FAM200B: variants seen among roughly 807,000 people sequenced by gnomAD.
The protein encoded by FAM200B is zinc finger BED-type containing 11.
In FAM200B, 32 loss-of-function variants were observed where a neutral mutation model predicts 33.1. The observed-to-expected ratio is 0.97, with a 90% CI of 0.73 to 1.30. The LOEUF (loss-of-function observed/expected upper bound fraction) is 1.30, where lower values mean the gene tolerates loss of function less well. Among genes scored for constraint, FAM200B ranks in the 50% most tolerant of loss-of-function variants. The pLI, the probability that FAM200B is intolerant of heterozygous loss-of-function variation, is 0.00. For missense variants in FAM200B, 741 were observed against 754.0 expected (o/e 0.98, Z 0.20); for synonymous variants, 240 against 264.8 (o/e 0.91, Z 0.91).
rs1719101840 is a variant in FAM200B, at chr4:15,688,505, T to C, written c.1528T>C (p.Leu510=). 1 of 1,542,568 alleles carries C rather than the reference T, an allele frequency of 6.5e-7. No homozygotes were observed. The highest frequency in any genetic ancestry group is 1.2e-5 in the South Asian group (1 of 83,412). ...ILKEIKLEIL[L]HLTSLSQTFN... ...GAAAGAAATAAAATTAGAGATATTGTTGCATCTCACTTCTCTGTCTCAAAC... is the reference window on the plus strand; with the variant it reads ...GAAAGAAATAAAATTAGAGATATTGCTGCATCTCACTTCTCTGTCTCAAAC... Residue 510 remains leucine, a synonymous_variant, in exon 2 of 2, where the codon TTG becomes CTG. Coordinates refer to ENST00000422728, the MANE Select transcript of FAM200B (RefSeq NM_001145191.2).
At chr4:15,674,004 T>C in the FAM200B span, among the ~76,000 whole-genome samples, 2 of 152,240 alleles carry the variant, frequency 1.3e-5, no homozygotes, top group Admixed American at 6.5e-5. Flanking sequence ...CATTTTTTAT[T>C]GTTTCTGGCC....
At chr4:15,679,530 T>C (rs1387059554), upstream of FAM200B, among the ~76,000 whole-genome samples, 1 of 137,246 alleles carries the variant, frequency 7.3e-6, no homozygotes, top group Non-Finnish European at 1.5e-5. Flanking sequence ...TGAATCTATC[T>C]AGAGAAATAT....
At chr4:15,668,457 TTTTA>T in the FAM200B span, among the ~76,000 whole-genome samples, 2 of 125,572 alleles carry the variant, frequency 1.6e-5, no homozygotes, top group South Asian at 2.4e-4. Flanking sequence ...AATCACATTC[TTTTA>T]TTTTTTTTTG....
chr4:15,646,568 T>G, the FAM200B span, among the ~76,000 whole-genome samples: 1 of 151,948 alleles, frequency 6.6e-6, no homozygotes, highest in Non-Finnish European at 1.5e-5. Context: ...TTATTATACT[T>G]TAAGTTTTAG....
At chr4:15,672,928 A>T in the FAM200B span, among the ~76,000 whole-genome samples, 1 of 152,134 alleles carries the variant, frequency 6.6e-6, no homozygotes, top group Non-Finnish European at 1.5e-5. Context: ...TATTTTTACG[A>T]GACACAAATT....
chr4:15,687,761 A>G lies in FAM200B; in HGVS notation c.784A>G (p.Asn262Asp). 6.4e-7 allele frequency: 1 copy of G among 1,550,476 alleles called. No individual in the cohort carries two copies. ...TTTGGAGGATTTTTTGTGTTTTTTA[A>G]ATTTAACCTCACACCTAAGTGGATT... ...DFLEDFLCFL[N>D]LTSHLSGLDI... The change falls in exon 2 of 2, where the codon AAT (asparagine) becomes GAT (aspartate). Residue 262 changes from asparagine to aspartate, a missense_variant. Asn to Asp is a conservative substitution (Grantham distance 23). Coordinates refer to ENST00000422728, the MANE Select transcript of FAM200B (RefSeq NM_001145191.2).
At chr4:15,642,474 G>A in the FAM200B span, among the ~76,000 whole-genome samples, 1 of 151,976 alleles carries the variant, frequency 6.6e-6, no homozygotes, top group African/African-American at 2.4e-5. Flanking sequence ...GACCTCAAGT[G>A]ATCTGCCCGC....
intron 1 of FAM200B, among the ~76,000 whole-genome samples, chr4:15,682,712 A>G (rs1344457323): frequency 1.3e-5 from 2 of 152,246 alleles, no homozygotes; most frequent in African/African-American, 4.8e-5. Flanking sequence ...CACTGTAGGT[A>G]GCTAAATGTT....
chr4:15,667,966 GGGAGGTGGA>G, the FAM200B span, among the ~76,000 whole-genome samples: 1 of 151,732 alleles, frequency 6.6e-6, no homozygotes, highest in Non-Finnish European at 1.5e-5. Context: ...GCTTGAACTC[GGGAGGTGGA>G]GGTTGCGGTG....
At chr4:15,659,837 T>C in the FAM200B span, 18 of 572,712 alleles carry the variant, frequency 3.1e-5, no homozygotes, top group African/African-American at 3.4e-4. Context: ...TGGTTCCATG[T>C]GTATGGCCTG....
At chr4:15,680,154 GGA>G (rs1718164628), upstream of FAM200B, among the ~76,000 whole-genome samples, 1 of 151,924 alleles carries the variant, frequency 6.6e-6, no homozygotes, top group South Asian at 2.1e-4. Flanking sequence ...AAATATTGAA[GGA>G]GAGACCGAGT....
the FAM200B span, among the ~76,000 whole-genome samples, chr4:15,637,149 C>T: frequency 2.4e-4 from 36 of 152,220 alleles, no homozygotes; most frequent in Non-Finnish European, 4.9e-4. Flanking sequence ...GCTTGTATTC[C>T]CTCTTTGATT....
At chr4:15,655,961 GGCGCGGGGCCTGGGT>G in the FAM200B span, among the ~76,000 whole-genome samples, 1 of 152,248 alleles carries the variant, frequency 6.6e-6, no homozygotes, top group Admixed American at 6.5e-5. Context: ...GCCCACAGCG[GGCGCGGGGCCTGGGT>G]GCGAGGGGCG....
chr4:15,656,398 T>C, the FAM200B span: 3 of 424,246 alleles, frequency 7.1e-6, no homozygotes, highest in African/African-American at 6.2e-5. Flanking sequence ...TTGGGAGGAA[T>C]TGTTATTTGC....
the FAM200B span, chr4:15,659,662 T>G: frequency 2.3e-6 from 2 of 851,318 alleles, no homozygotes; most frequent in African/African-American, 3.6e-5. Context: ...CCATAAAGTT[T>G]CCTTGCAAAA....
Position 15,688,062 on chromosome 4 carries a change from A to G in FAM200B, c.1085A>G (p.Asn362Ser), listed in dbSNP as rs1028179695. ...AATTTTATTAAAGGAAGCTCATTGA[A>G]TAGCCGGCTTCTTGAAACATTTTGT... ...VVNFIKGSSL[N>S]SRLLETFCSE... Residue 362 changes from asparagine (N) to serine (S), a missense_variant, in exon 2 of 2, where the codon AAT becomes AGT. Coordinates refer to ENST00000422728, the MANE Select transcript of FAM200B (RefSeq NM_001145191.2). 1.9e-6 allele frequency: 3 copies of G among 1,551,264 alleles called. No homozygotes were observed. In the Admixed American group the frequency reaches 5.9e-5, roughly 30 times the overall value.
chr4:15,678,774 C>T (rs1446502570), upstream of FAM200B, among the ~76,000 whole-genome samples: 1 of 152,070 alleles, frequency 6.6e-6, no homozygotes, highest in Admixed American at 6.6e-5. Flanking sequence ...TTTATAAGGT[C>T]ATTTTGTTTG....
In FAM200B at chr4:15,688,062, A is replaced by C. The variant is rs1028179695; in HGVS notation, c.1085A>C (p.Asn362Thr). 5 of 1,551,146 alleles carry C rather than the reference A, an allele frequency of 3.2e-6. No individual in the cohort carries two copies. Among genetic ancestry groups the C allele is most frequent in the Non-Finnish European group, 4.4e-6 (5 of 1,146,762 alleles). ...AATTTTATTAAAGGAAGCTCATTGA[A>C]TAGCCGGCTTCTTGAAACATTTTGT... ...VVNFIKGSSL[N>T]SRLLETFCSE... Residue 362 changes from asparagine (N) to threonine (T), a missense_variant, in exon 2 of 2, where the codon AAT (asparagine) becomes ACT (threonine). Physicochemically the swap from Asn to Thr is moderately conservative, Grantham distance 65 (BLOSUM62 0). Coordinates refer to ENST00000422728, the MANE Select transcript of FAM200B (RefSeq NM_001145191.2).
chr4:15,651,173 G>C, the FAM200B span, among the ~76,000 whole-genome samples: 1 of 152,272 alleles, frequency 6.6e-6, no homozygotes, highest in Non-Finnish European at 1.5e-5. Flanking sequence ...AGAAACCTTA[G>C]TAAGTAGCTG....
Sources: gnomAD v4.1 joint callset for allele counts (sites outside exome capture counted in the v4.1 genomes callset) on GRCh38, gnomAD v4.1.1 for gene constraint, MANE v1.5 for transcripts, NCBI Gene and HGNC (gene_info 2026-07-23, HGNC 2026-07-21) for gene names.